Variants in MDGA2 observed in about 807,000 individuals in gnomAD.
The protein encoded by MDGA2 is MAM domain-containing glycosylphosphatidylinositol anchor protein 2.
In MDGA2, 40 loss-of-function variants were observed where a neutral mutation model predicts 117.8. That is an observed-to-expected ratio of 0.34 (90% CI 0.26 to 0.44). The LOEUF (loss-of-function observed/expected upper bound fraction) is 0.44. MDGA2 is among the 20% of genes least tolerant of loss of function. The pLI is 1.00. For synonymous variants in MDGA2, 452 were observed against 439.0 expected, an observed-to-expected ratio of 1.03 and a Z score of -0.37; for missense variants, 1,123 against 1,250.6, an observed-to-expected ratio of 0.90 and a Z score of 1.54.
intron 14 of MDGA2, among the ~76,000 whole-genome samples, chr14:46,862,748 G>C (rs1185161826): frequency 1.3e-5 from 2 of 151,938 alleles, no homozygotes; most frequent in African/African-American, 4.8e-5. Flanking sequence ...AAATCATCCA[G>C]CTCTAGGCAA....
intron 1 of MDGA2, among the ~76,000 whole-genome samples, chr14:47,666,321 C>T (rs1300176252): frequency 6.6e-6 from 1 of 152,054 alleles, no homozygotes; most frequent in Admixed American, 6.5e-5. Flanking sequence ...TGTAAATGCA[C>T]CAATCTGCGC....
At chr14:46,984,210 T>G (rs769100047) in intron 8 of MDGA2, among the ~76,000 whole-genome samples, 3 of 151,980 alleles carry the variant, frequency 2.0e-5, no homozygotes, top group Admixed American at 6.6e-5. Flanking sequence ...ATTTTCCTGG[T>G]ATTCCAAATG....
intron 9 of MDGA2, among the ~76,000 whole-genome samples, chr14:46,927,637 G>A (rs897563836): frequency 6.6e-6 from 1 of 152,160 alleles, no homozygotes; most frequent in African/African-American, 2.4e-5. Context: ...ATGAATGCAA[G>A]ATGTGTGTAA....
intron 6 of MDGA2, among the ~76,000 whole-genome samples, chr14:47,068,881 C>CT (rs1229669531): frequency 6.6e-6 from 1 of 152,032 alleles, no homozygotes; most frequent in Admixed American, 6.6e-5. Flanking sequence ...CTTTCTTGAG[C>CT]TTTTTTGTTT....
intron 1 of MDGA2, among the ~76,000 whole-genome samples, chr14:47,561,159 T>G (rs1179879670): frequency 1.9e-3 from 129 of 66,482 alleles, no homozygotes; most frequent in African/African-American, 3.1e-3. Flanking sequence ...TTTTGTTTTG[T>G]TTTGTTTTTT....
At chr14:47,652,008 A>G (rs576417009) in intron 1 of MDGA2, among the ~76,000 whole-genome samples, 1 of 152,170 alleles carries the variant, frequency 6.6e-6, no homozygotes, top group Non-Finnish European at 1.5e-5. Flanking sequence ...AGCTCAGAAC[A>G]AAGACCTGAT....
At chr14:46,859,393 G>T (rs529524867) in intron 14 of MDGA2, among the ~76,000 whole-genome samples, 1 of 152,264 alleles carries the variant, frequency 6.6e-6, no homozygotes, top group South Asian at 2.1e-4. Context: ...AGTCATGAGG[G>T]AACCCCATAC....
chr14:47,661,023 C>T (rs1897835869), intron 1 of MDGA2, among the ~76,000 whole-genome samples: 2 of 152,126 alleles, frequency 1.3e-5, no homozygotes, highest in South Asian at 2.1e-4. Flanking sequence ...CCTACATATA[C>T]TTCGCATGTG....
At chr14:46,924,249 T>C (rs1884241193) in intron 9 of MDGA2, among the ~76,000 whole-genome samples, 1 of 152,148 alleles carries the variant, frequency 6.6e-6, no homozygotes, top group African/African-American at 2.4e-5. Context: ...GTATTTCATT[T>C]TGCAAAATGG....
At position 47,219,419 on chromosome 14, in the gene MDGA2, C is replaced by A. The variant is rs140572046; in HGVS notation, c.421-1224G>T. Among the ~76,000 whole-genome samples the A allele has an allele frequency of 5.6e-3, 856 of 151,758 alleles. 16 individuals carry two copies. The highest frequency in any genetic ancestry group is 0.019 in the African/African-American group (787 of 41,412). ...CAAAAAGAAATATCAATATTTATTCCAAATCTTCTATATATATGGAATACA... is the reference window on the plus strand; with the variant it reads ...CAAAAAGAAATATCAATATTTATTCAAAATCTTCTATATATATGGAATACA... On this transcript the variant is annotated intron_variant, in intron 2 of 16. Coordinates refer to ENST00000399232, the MANE Select transcript of MDGA2 (RefSeq NM_001113498.3).
intron 2 of MDGA2, among the ~76,000 whole-genome samples, chr14:47,286,803 T>TTATATA (rs34614614): frequency 0.15 from 19,748 of 129,452 alleles, 1,747 homozygotes; most frequent in East Asian, 0.42. Flanking sequence ...AGGCATATCA[T>TTATATA]TATATATATA....
chr14:47,221,785 T>C (rs1886312859), intron 2 of MDGA2, among the ~76,000 whole-genome samples: 1 of 151,542 alleles, frequency 6.6e-6, no homozygotes, highest in Non-Finnish European at 1.5e-5. Context: ...GAAAAATGTA[T>C]AATTTAAAAT....
rs571487269 is a variant in MDGA2 at position 47,410,287 on chromosome 14, G to A, written c.281-108737C>T. Among the ~76,000 whole-genome samples the A allele has an allele frequency of 1.4e-4, 22 of 152,192 alleles. No individual in the cohort carries two copies. The East Asian group carries it at 3.9e-3, about 27-fold the overall frequency. ...GATGATAAAATATGGGAGAGTGAGA[G>A]AAAAATGAAGTAGTGATAACTTTGT... is the stretch of plus-strand genomic sequence containing the variant. On this transcript the variant is annotated intron_variant, in intron 1 of 16. Transcript: ENST00000399232.
intron 3 of MDGA2, chr14:47,200,502 T>C: frequency 1.7e-6 from 1 of 582,920 alleles, no homozygotes; most frequent in Non-Finnish European, 2.8e-6. Context: ...CTTCCCTTTT[T>C]CTATTTTTCT....
chr14:47,214,739 G>C (rs1886021370), intron 3 of MDGA2, among the ~76,000 whole-genome samples: 2 of 152,156 alleles, frequency 1.3e-5, no homozygotes, highest in South Asian at 2.1e-4. Context: ...AATAATGTTA[G>C]CACATAATTT....
intron 1 of MDGA2, among the ~76,000 whole-genome samples, chr14:47,549,492 CT>C (rs1895538342): frequency 6.6e-6 from 1 of 152,036 alleles, no homozygotes; most frequent in African/African-American, 2.4e-5. Flanking sequence ...TACTATCAGA[CT>C]TTTCCTTTGG....
intron 8 of MDGA2, among the ~76,000 whole-genome samples, chr14:47,031,479 G>A (rs139321288): frequency 2.4e-4 from 37 of 152,124 alleles, no homozygotes; most frequent in African/African-American, 8.4e-4. Flanking sequence ...GTGTGCTTGC[G>A]TGTAAAATAG....
At chr14:47,280,174 C>T (rs1216191521) in intron 2 of MDGA2, among the ~76,000 whole-genome samples, 3 of 151,362 alleles carry the variant, frequency 2.0e-5, no homozygotes, top group Non-Finnish European at 4.4e-5. Context: ...ATTATCTGGG[C>T]GTGGTGGTAC....
At chr14:47,409,643 G>A (rs1037347266) in intron 1 of MDGA2, among the ~76,000 whole-genome samples, 6 of 152,122 alleles carry the variant, frequency 3.9e-5, no homozygotes, top group African/African-American at 1.4e-4. Flanking sequence ...TGACACAGCA[G>A]AGGTCCTTCA....
Sources: allele counts gnomAD v4.1 joint callset (sites outside exome capture counted in the v4.1 genomes callset), GRCh38; gene constraint gnomAD v4.1.1; transcripts MANE v1.5; gene names NCBI Gene and HGNC (gene_info 2026-07-23, HGNC 2026-07-21).